The following GALNT17 variants were observed in gnomAD, a reference collection of about 807,000 sequenced individuals.
GALNT17 encodes the protein UDP-GalNAc:polypeptide N-acetylgalactosaminyltransferase-like 3.
In GALNT17, 29 loss-of-function variants were observed where a neutral mutation model predicts 63.7. The observed-to-expected ratio is 0.46, with a 90% confidence interval of 0.34 to 0.62. The LOEUF (loss-of-function observed/expected upper bound fraction) is 0.62, where lower values mean the gene tolerates loss of function less well. Ranked by LOEUF, GALNT17 falls within the 20% of genes least tolerant of loss-of-function variation. The pLI is 0.01. For synonymous variants in GALNT17, 305 were observed against 318.3 expected, an observed-to-expected ratio of 0.96 and a Z score of 0.45; for missense variants, 603 against 799.6, an observed-to-expected ratio of 0.75 and a Z score of 2.97.
At chr7:71,283,156 C>A (rs548160431) in intron 1 of GALNT17, among the ~76,000 whole-genome samples, 79 of 152,026 alleles carry the variant, frequency 5.2e-4, no homozygotes, top group African/African-American at 1.8e-3. Flanking sequence ...CTCAGCCCCC[C>A]CCAAGTAGCT....
At chr7:71,164,963 A>C in intron 1 of GALNT17, among the ~76,000 whole-genome samples, 1 of 152,232 alleles carries the variant, frequency 6.6e-6, no homozygotes, top group East Asian at 1.9e-4. Flanking sequence ...TTGCATAAGA[A>C]GCAAGGAGTC....
chr7:71,532,467 TATC>T (rs1478019203), intron 5 of GALNT17, among the ~76,000 whole-genome samples: 1 of 152,166 alleles, frequency 6.6e-6, no homozygotes, highest in Non-Finnish European at 1.5e-5. Context: ...GTATTAATGA[TATC>T]ATCACTTTCT....
At chr7:71,333,237 A>G (rs1461041790) in intron 1 of GALNT17, among the ~76,000 whole-genome samples, 1 of 152,224 alleles carries the variant, frequency 6.6e-6, no homozygotes, top group Admixed American at 6.5e-5. Context: ...TACATTTCAC[A>G]TAAATAGAAT....
intron 1 of GALNT17, among the ~76,000 whole-genome samples, chr7:71,248,925 T>C (rs867831048): frequency 6.6e-6 from 1 of 152,294 alleles, no homozygotes; most frequent in Admixed American, 6.5e-5. Flanking sequence ...TACCATCTTC[T>C]TGCCTCTTCT....
At chr7:71,148,797 A>G (rs1447327673) in intron 1 of GALNT17, among the ~76,000 whole-genome samples, 1 of 149,440 alleles carries the variant, frequency 6.7e-6, no homozygotes, top group African/African-American at 2.5e-5. Flanking sequence ...GTACATAAAA[A>G]TGGAGTATCT....
chr7:71,420,442 G>A (rs915590905), intron 4 of GALNT17, among the ~76,000 whole-genome samples: 2 of 152,088 alleles, frequency 1.3e-5, no homozygotes, highest in East Asian at 1.9e-4. Flanking sequence ...CAGGCCATCC[G>A]GGCAGAAGTG....
intron 1 of GALNT17, among the ~76,000 whole-genome samples, chr7:71,185,504 C>G: frequency 6.6e-6 from 1 of 150,376 alleles, no homozygotes; most frequent in Non-Finnish European, 1.5e-5. Context: ...GCCCCATTCT[C>G]TAATTTTCGT....
chr7:71,542,223 G>T (rs1037491914), intron 5 of GALNT17, among the ~76,000 whole-genome samples: 3 of 152,170 alleles, frequency 2.0e-5, no homozygotes, highest in South Asian at 2.1e-4. Flanking sequence ...TTAAATACAT[G>T]TAACACTGTC....
At chr7:71,245,677 G>T (rs944835552) in intron 1 of GALNT17, among the ~76,000 whole-genome samples, 2 of 152,076 alleles carry the variant, frequency 1.3e-5, no homozygotes, top group African/African-American at 4.8e-5. Context: ...ATGGGCAAAG[G>T]CTAGAGATAA....
At chr7:71,204,193 G>A (rs901661241) in intron 1 of GALNT17, among the ~76,000 whole-genome samples, 3 of 152,050 alleles carry the variant, frequency 2.0e-5, no homozygotes, top group Non-Finnish European at 4.4e-5. Flanking sequence ...CACCTCTGTT[G>A]TAAATGCATT....
chr7:71,141,163 TC>T (rs943334293), intron 1 of GALNT17, among the ~76,000 whole-genome samples: 3 of 151,824 alleles, frequency 2.0e-5, no homozygotes, highest in Non-Finnish European at 4.4e-5. Flanking sequence ...GATCAGGAGT[TC>T]AAGACCAGCC....
chr7:71,371,840 C>T (rs1792629098), intron 2 of GALNT17, among the ~76,000 whole-genome samples: 1 of 152,190 alleles, frequency 6.6e-6, no homozygotes, highest in African/African-American at 2.4e-5. Flanking sequence ...TTGAATGATT[C>T]TCTCCTTGCT....
chr7:71,681,670 C>T (rs921546017), intron 9 of GALNT17, among the ~76,000 whole-genome samples: 4 of 152,190 alleles, frequency 2.6e-5, no homozygotes, highest in Non-Finnish European at 5.9e-5. Context: ...CACTTAACTC[C>T]CAGACTTCTT....
intron 9 of GALNT17, among the ~76,000 whole-genome samples, chr7:71,687,973 C>A (rs1418124911): frequency 6.6e-6 from 1 of 152,102 alleles, no homozygotes; most frequent in Non-Finnish European, 1.5e-5. Flanking sequence ...GCTGGGATTA[C>A]AAGTATGAGC....
intron 5 of GALNT17, among the ~76,000 whole-genome samples, chr7:71,444,117 C>T (rs1787118080): frequency 6.6e-6 from 1 of 152,222 alleles, no homozygotes; most frequent in African/African-American, 2.4e-5. Flanking sequence ...ACTCCTTGCC[C>T]TGCTGGCATT....
intron 4 of GALNT17, among the ~76,000 whole-genome samples, chr7:71,420,341 C>G (rs888417910): frequency 6.6e-6 from 1 of 152,232 alleles, no homozygotes; most frequent in East Asian, 1.9e-4. Context: ...TCAATTAGAT[C>G]CCTTTAAGAA....
intron 2 of GALNT17, among the ~76,000 whole-genome samples, chr7:71,384,067 G>C (rs141958764): frequency 6.7e-4 from 102 of 152,088 alleles, no homozygotes; most frequent in Admixed American, 1.6e-3. Context: ...AGTGCACAAG[G>C]GTTTCAATTT....
rs190610835 is a variant in GALNT17 at position 71,601,874 on chromosome 7, G to A, written c.1080+30472G>A. ...AGGCAGGGGGTTGAGAGTCCAAGAA[G>A]CATGGAATCAATCAACCTCAGAATT... On this transcript the variant is annotated intron_variant, in intron 6 of 10. Transcript: ENST00000333538. Among the ~76,000 whole-genome samples the A allele has an allele frequency of 3.2e-4, 48 of 152,330 alleles. 1 individual carries two copies. Among genetic ancestry groups the A allele is most frequent in the Admixed American group, 2.5e-3 (38 of 15,304 alleles).
intron 5 of GALNT17, among the ~76,000 whole-genome samples, chr7:71,472,745 G>A (rs990850780): frequency 6.6e-6 from 1 of 152,130 alleles, no homozygotes; most frequent in African/African-American, 2.4e-5. Context: ...CATTTAGTCT[G>A]GATATCATAT....
Sources: allele counts gnomAD v4.1 joint callset (sites outside exome capture counted in the v4.1 genomes callset), GRCh38; gene constraint gnomAD v4.1.1; transcripts MANE v1.5; gene names NCBI Gene and HGNC (gene_info 2026-07-23, HGNC 2026-07-21).